DPP10: variants seen among roughly 807,000 people sequenced by gnomAD.
DPP10 encodes dipeptidyl peptidase like 10, also known as inactive dipeptidyl peptidase 10.
DPP10 carries 33 observed loss-of-function variants against 120.9 expected under a neutral mutation model. The observed-to-expected ratio is 0.27, with a 90% CI of 0.21 to 0.37. The LOEUF (loss-of-function observed/expected upper bound fraction) is 0.37, where lower values mean the gene tolerates loss of function less well. Ranked by LOEUF, DPP10 falls within the 10% of genes least tolerant of loss-of-function variation. The pLI is 1.00. For synonymous variants in DPP10, 337 were observed against 326.1 expected (o/e 1.03, Z -0.36); for missense variants, 816 against 942.8 (o/e 0.87, Z 1.76).
At chr2:115,605,359 C>T (rs2083635882) in intron 5 of DPP10, among the ~76,000 whole-genome samples, 1 of 152,074 alleles carries the variant, frequency 6.6e-6, no homozygotes, top group Admixed American at 6.6e-5. Context: ...AAATTTTAAA[C>T]TCTTATCACC....
intron 1 of DPP10, among the ~76,000 whole-genome samples, chr2:114,732,796 G>A (rs1265225271): frequency 6.6e-6 from 1 of 152,100 alleles, no homozygotes; most frequent in African/African-American, 2.4e-5. Context: ...TTACTTGCAT[G>A]TTCTCATTTA....
At chr2:114,460,716 A>G (rs1285010675) in intron 1 of DPP10, among the ~76,000 whole-genome samples, 5 of 152,198 alleles carry the variant, frequency 3.3e-5, no homozygotes, top group African/African-American at 9.6e-5. Flanking sequence ...CTTTCTGTAT[A>G]TAAACTAATA....
rs2065962295 is a variant in DPP10 at position 115,378,113 on chromosome 2, GA to G, written c.271+34202del. On this transcript the variant is annotated intron_variant, in intron 3 of 25. Transcript: ENST00000410059. The stretch of plus-strand genomic sequence containing the variant: ...AGAAAGTAATTGGTAGCTTGATGGG[GA>G]TGGCATTGAATCTGTAAATTACCTT... Among the ~76,000 whole-genome samples the G allele has an allele frequency of 2.0e-5, 3 of 152,232 alleles. No homozygotes were observed. The South Asian group carries it at 6.2e-4, about 32-fold the overall frequency.
chr2:115,410,390 A>G (rs1199554240), intron 3 of DPP10, among the ~76,000 whole-genome samples: 1 of 152,182 alleles, frequency 6.6e-6, no homozygotes, highest in Admixed American at 6.5e-5. Context: ...ACAAAAACCA[A>G]GCACCCATGT....
intron 1 of DPP10, among the ~76,000 whole-genome samples, chr2:115,165,584 T>C (rs1425095318): frequency 6.6e-6 from 1 of 152,180 alleles, no homozygotes; most frequent in Non-Finnish European, 1.5e-5. Flanking sequence ...CCTCATAAAT[T>C]TATAGGAGCT....
intron 19 of DPP10, among the ~76,000 whole-genome samples, chr2:115,812,313 C>G (rs1434133684): frequency 1.3e-5 from 2 of 152,154 alleles, no homozygotes; most frequent in Admixed American, 6.5e-5. Flanking sequence ...TAAGGCCTTT[C>G]CATTTTAAAC....
intron 3 of DPP10, among the ~76,000 whole-genome samples, chr2:115,486,612 G>A (rs2075793897): frequency 6.6e-6 from 1 of 152,124 alleles, no homozygotes; most frequent in Admixed American, 6.6e-5. Context: ...TTGAGTGTAT[G>A]AGTATGAAGT....
At chr2:114,820,749 A>T (rs1164450792) in intron 1 of DPP10, among the ~76,000 whole-genome samples, 2 of 152,156 alleles carry the variant, frequency 1.3e-5, no homozygotes, top group South Asian at 2.1e-4. Context: ...CCGTAATCTA[A>T]TCACCTCCCA....
chr2:115,684,443 C>A (rs1251756469), intron 5 of DPP10, among the ~76,000 whole-genome samples: 2 of 151,830 alleles, frequency 1.3e-5, no homozygotes, highest in East Asian at 3.9e-4. Context: ...AGAAACCAAT[C>A]CCATTTTGCC....
intron 3 of DPP10, among the ~76,000 whole-genome samples, chr2:115,362,421 A>C (rs1368889096): frequency 6.6e-6 from 1 of 152,196 alleles, no homozygotes; most frequent in Non-Finnish European, 1.5e-5. Flanking sequence ...TGACTTGTTC[A>C]AGAACACAGA....
At chr2:114,878,414 C>T (rs921378263) in intron 1 of DPP10, among the ~76,000 whole-genome samples, 1 of 152,152 alleles carries the variant, frequency 6.6e-6, no homozygotes, top group African/African-American at 2.4e-5. Context: ...AAACATTTAT[C>T]ATTTCTTTGT....
chr2:115,185,960 C>T (rs187767001), intron 1 of DPP10, among the ~76,000 whole-genome samples: 1 of 152,322 alleles, frequency 6.6e-6, no homozygotes, highest in Admixed American at 6.5e-5. Flanking sequence ...AAGCTGATTA[C>T]AGCATAACAA....
At chr2:114,926,745 G>A (rs558560813) in intron 1 of DPP10, among the ~76,000 whole-genome samples, 332 of 152,262 alleles carry the variant, frequency 2.2e-3, no homozygotes, top group Middle Eastern at 3.4e-3. Context: ...TGAACAGCCA[G>A]GTCAAATCTA....
At chr2:114,542,605 G>A (rs907800161) in intron 1 of DPP10, among the ~76,000 whole-genome samples, 3 of 152,088 alleles carry the variant, frequency 2.0e-5, no homozygotes, top group Non-Finnish European at 2.9e-5. Flanking sequence ...GCATCAAATC[G>A]CCTTCAGTTG....
At chr2:115,428,155 A>G (rs564178815) in intron 3 of DPP10, among the ~76,000 whole-genome samples, 7 of 152,304 alleles carry the variant, frequency 4.6e-5, no homozygotes, top group African/African-American at 1.7e-4. Context: ...CCATATCACT[A>G]TCAGAATTTT....
chr2:114,586,016 G>A (rs1690951152), intron 1 of DPP10, among the ~76,000 whole-genome samples: 1 of 152,176 alleles, frequency 6.6e-6, no homozygotes, highest in Non-Finnish European at 1.5e-5. Flanking sequence ...GGGAAGCTGA[G>A]GTGAGCAGAT....
chr2:115,355,595 A>G (rs546763485), intron 3 of DPP10, among the ~76,000 whole-genome samples: 11 of 152,170 alleles, frequency 7.2e-5, no homozygotes, highest in African/African-American at 2.6e-4. Context: ...TTTTGTTGCA[A>G]TTGCTTTTGG....
chr2:114,935,117 C>T (rs1696359590), intron 1 of DPP10, among the ~76,000 whole-genome samples: 1 of 152,086 alleles, frequency 6.6e-6, no homozygotes, highest in Non-Finnish European at 1.5e-5. Flanking sequence ...TCATTCATTC[C>T]CCTGTCAGGA....
At chr2:115,338,248 A>G (rs1021139845) in intron 2 of DPP10, among the ~76,000 whole-genome samples, 3 of 152,114 alleles carry the variant, frequency 2.0e-5, no homozygotes, top group Admixed American at 6.6e-5. Context: ...TAAGAATTCA[A>G]CGTGCTTGGT....
Sources: gnomAD v4.1 joint callset for allele counts (sites outside exome capture counted in the v4.1 genomes callset) on GRCh38, gnomAD v4.1.1 for gene constraint, MANE v1.5 for transcripts, NCBI Gene and HGNC (gene_info 2026-07-23, HGNC 2026-07-21) for gene names.